The following LRRC3C variants were observed in gnomAD, a reference collection of about 807,000 sequenced individuals.
LRRC3C encodes leucine rich repeat containing 3C, also known as leucine-rich repeat-containing protein 3C.
Under a neutral mutation model 14.8 loss-of-function variants are expected in LRRC3C, and 11 were observed. That is an observed-to-expected ratio of 0.74 (90% confidence interval 0.47 to 1.23). The LOEUF is 1.23. LRRC3C is among the 50% of genes most tolerant of loss of function. The pLI is 0.00. For synonymous variants in LRRC3C, 149 were observed against 161.5 expected (o/e 0.92, Z 0.59); for missense variants, 354 against 361.8 (o/e 0.98, Z 0.18).
At chr17:39,927,964 C>A in intron 1 of LRRC3C, 150 bp downstream of exon 1, 1 of 747,386 alleles carries the variant, frequency 1.3e-6, no homozygotes, top group Non-Finnish European at 1.6e-6. Flanking sequence ...AATATTCTGA[C>A]CCCAACTGCA....
chr17:39,938,845 G>T (rs1485846147), intron 2 of LRRC3C, among the ~76,000 whole-genome samples: 1 of 151,894 alleles, frequency 6.6e-6, no homozygotes, highest in Non-Finnish European at 1.5e-5. Flanking sequence ...AATTACCTGG[G>T]TGTGGTGATG....
intron 2 of LRRC3C, chr17:39,939,479 T>C: frequency 1.2e-6 from 1 of 833,626 alleles, no homozygotes; most frequent in Non-Finnish European, 1.4e-6. Context: ...AACCAGTGCC[T>C]AGACCCCATG....
At chr17:39,941,331 A>C in intron 2 of LRRC3C, 112 bp from the exon 3 acceptor site, 1 of 449,684 alleles carries the variant, frequency 2.2e-6, no homozygotes. Flanking sequence ...AGCCTGGGCC[A>C]CAGAGTGAGA....
Position 39,943,953 on chromosome 17 carries a change from T to C in LRRC3C, c.47T>C (p.Leu16Pro), listed in dbSNP as rs1389560178. Reference protein sequence around the residue: ...SSFVSYCTPGLCQFMAMLPTA... With the variant: ...SSFVSYCTPGPCQFMAMLPTA... ...CCCAGATCCTACTGCACTCCAGGAC[T>C]ATGCCAATTTATGGCCATGCTCCCA... Residue 16 changes from leucine (L) to proline (P), a missense_variant, in exon 4 of 4, where the codon CTA becomes CCA. Leu to Pro is a moderately conservative substitution (Grantham distance 98, BLOSUM62 -3). Transcript: ENST00000377924. 4 of 1,536,140 alleles carry C rather than the reference T, an allele frequency of 2.6e-6. No homozygotes were observed. The highest frequency in any genetic ancestry group is 3.5e-6 in the Non-Finnish European group (4 of 1,146,902).
At chr17:39,943,541 A>T (rs1217799150) in intron 3 of LRRC3C, among the ~76,000 whole-genome samples, 2 of 152,192 alleles carry the variant, frequency 1.3e-5, no homozygotes, top group East Asian at 3.9e-4. Flanking sequence ...TCTGGTGCCT[A>T]CCTAGCCCAC....
At chr17:39,936,618 T>C (rs755103830) in intron 2 of LRRC3C, among the ~76,000 whole-genome samples, 1 of 145,292 alleles carries the variant, frequency 6.9e-6, no homozygotes, top group African/African-American at 2.6e-5. Context: ...GCCTGCTCAA[T>C]ATGACCAAAC....
chr17:39,942,066 A>G (rs962052480), intron 3 of LRRC3C, among the ~76,000 whole-genome samples: 2 of 152,122 alleles, frequency 1.3e-5, no homozygotes, highest in African/African-American at 4.8e-5. Context: ...ACCCTTTGTC[A>G]CCTCTGCCCC....
chr17:39,933,962 G>C lies in LRRC3C; in HGVS notation c.-174-1840G>C, dbSNP rs147456034. ...CCAGGCATGTGGTGGGAAGAAGGAG[G>C]GGGAGGGGAAGGCAGATGTTAAGCA... is the stretch of plus-strand genomic sequence containing the variant. On this transcript the variant is annotated intron_variant, in intron 1 of 3. Coordinates refer to ENST00000377924, the MANE Select transcript of LRRC3C (RefSeq NM_001195545.2). Among the ~76,000 whole-genome samples, 15 of 152,334 alleles carry C rather than the reference G, an allele frequency of 9.8e-5. No individual in the cohort carries two copies. The East Asian group carries it at 2.7e-3, about 27-fold the overall frequency.
rs756887619 is a variant in LRRC3C, at chr17:39,939,462, C to A, written c.-81-1981C>A. On this transcript the variant is annotated intron_variant, in intron 2 of 3. Transcript: ENST00000377924. ...TCGTTAGACATACCTGAGGAGCTTT[C>A]GAAAGAAACCAGTGCCTAGACCCCA... 38 of 943,704 alleles carry A rather than the reference C, an allele frequency of 4.0e-5. No individual in the cohort carries two copies. In the Admixed American group the frequency reaches 8.6e-4, roughly 21 times the overall value. 58.5% of individuals were successfully genotyped at this position (943,704 alleles called of 1,614,324 possible).
At chr17:39,940,786 G>A (rs1021464446) in intron 2 of LRRC3C, among the ~76,000 whole-genome samples, 1 of 152,044 alleles carries the variant, frequency 6.6e-6, no homozygotes, top group African/African-American at 2.4e-5. Flanking sequence ...GCGTCACCTA[G>A]GCTGGAGTCA....
chr17:39,927,746 G>A lies in LRRC3C; in HGVS notation c.-243G>A. Reference sequence around the variant, plus strand: ...TAGTTTTTCCTGGGCTCCGTTCCCGGCCTCTTCGGGGACGCACGGTTGGAA... The same window carrying A: ...TAGTTTTTCCTGGGCTCCGTTCCCGACCTCTTCGGGGACGCACGGTTGGAA... On this transcript the variant is annotated 5_prime_UTR_variant, in exon 1 of 4. Coordinates refer to ENST00000377924, the MANE Select transcript of LRRC3C (RefSeq NM_001195545.2). The A allele has an allele frequency of 3.0e-6, 3 of 985,536 alleles. No individual in the cohort carries two copies. The highest frequency in any genetic ancestry group is 3.6e-6 in the Non-Finnish European group (3 of 829,998). The allele number at this position is 985,536 out of a possible 1,614,324, so 61.0% of individuals were successfully genotyped here.
intron 1 of LRRC3C, among the ~76,000 whole-genome samples, chr17:39,931,445 C>CAAAAAA (rs58318948): frequency 1.3e-5 from 1 of 74,964 alleles, no homozygotes; most frequent in Admixed American, 1.7e-4. Flanking sequence ...GACTTCGTCT[C>CAAAAAA]AAAAAAAAAA....
At position 39,944,595 on chromosome 17, in the gene LRRC3C, G is replaced by C; in HGVS notation, c.689G>C (p.Gly230Ala). Residue 230 changes from glycine to alanine, a missense_variant, in exon 4 of 4, where the codon GGG becomes GCG. Gly to Ala is a moderately conservative substitution (Grantham distance 60). Transcript: ENST00000377924. ...STDVALLVTM[G>A]GWLTLMVAYL... ...GATGTGGCCCTGCTGGTCACCATGG[G>C]GGGCTGGCTGACACTCATGGTGGCT... is the stretch of plus-strand genomic sequence containing the variant. 6.5e-7 allele frequency: 1 copy of C among 1,535,556 alleles called. No homozygotes were observed. The highest frequency in any genetic ancestry group is 8.7e-7 in the Non-Finnish European group (1 of 1,146,682).
intron 2 of LRRC3C, among the ~76,000 whole-genome samples, chr17:39,940,877 G>A (rs1040418535): frequency 6.6e-6 from 1 of 152,134 alleles, no homozygotes; most frequent in African/African-American, 2.4e-5. Flanking sequence ...AAATAGCTGG[G>A]ATTACAGGTG....
At chr17:39,929,035 G>C (rs1378588475) in intron 1 of LRRC3C, 1 of 152,240 alleles carries the variant, frequency 6.6e-6, no homozygotes, top group Non-Finnish European at 1.5e-5. Context: ...GTTTCTCCTG[G>C]TTTGTGGAGG....
At position 39,944,678 on chromosome 17, in the gene LRRC3C, GC is replaced by G. The variant is rs1238391012; in HGVS notation, c.776del (p.Pro259GlnfsTer64). 2.0e-6 allele frequency: 3 copies of G among 1,535,866 alleles called. No homozygotes were observed. The highest frequency in any genetic ancestry group is 2.6e-6 in the Non-Finnish European group (3 of 1,146,892). ...TGAGACCAGGCGCTCCCTCAAGCGG[GC>G]CCCAGTGCTGCCCGTGCGTTCCGAG... Reference protein sequence around the residue: ...RDETRRSLKRAPVLPVRSEDS... With the variant: ...RDETRRSLKRXPVLPVRSEDS... On this transcript the variant is annotated frameshift_variant, in exon 4 of 4. Coordinates refer to ENST00000377924, the MANE Select transcript of LRRC3C (RefSeq NM_001195545.2). LOFTEE classifies it high-confidence loss of function.
intron 3 of LRRC3C, among the ~76,000 whole-genome samples, chr17:39,943,329 G>T (rs1227336110): frequency 6.6e-6 from 1 of 152,208 alleles, no homozygotes; most frequent in Non-Finnish European, 1.5e-5. Flanking sequence ...AGGAGGACGG[G>T]GAGGAGGAGG....
rs111572128 is a variant in LRRC3C, at chr17:39,927,878, T to G, written c.-175+64T>G. ...AGTGTATTTTATCCGTGCCCCAGTT[T>G]TGCAGATGAGGAGACTCGGACTTGT... On this transcript the variant is annotated intron_variant, in intron 1 of 3. Coordinates refer to ENST00000377924, the MANE Select transcript of LRRC3C (RefSeq NM_001195545.2). The G allele has an allele frequency of 3.4e-3, 3,369 of 985,450 alleles. 86 individuals carry two copies. The African/African-American group carries it at 0.054, about 16-fold the overall frequency. The allele number at this position is 985,450 out of a possible 1,614,324, so 61.0% of individuals were successfully genotyped here. A position where few individuals can be genotyped will look rare whatever the true frequency, so the allele number is the denominator to read the frequency against.
At chr17:39,943,396 C>T (rs1978987923) in intron 3 of LRRC3C, among the ~76,000 whole-genome samples, 1 of 152,046 alleles carries the variant, frequency 6.6e-6, no homozygotes, top group African/African-American at 2.4e-5. Flanking sequence ...TGGATGCTCC[C>T]GGAAAAGGGG....
Sources: gnomAD v4.1 joint callset for allele counts (sites outside exome capture counted in the v4.1 genomes callset) on GRCh38, gnomAD v4.1.1 for gene constraint, MANE v1.5 for transcripts, NCBI Gene and HGNC (gene_info 2026-07-23, HGNC 2026-07-21) for gene names.